Variants in SNX8 observed in about 807,000 individuals in gnomAD.
SNX8 encodes sorting nexin 8, also known as sorting nexin-8.
A neutral mutation model predicts 51.6 loss-of-function variants in SNX8; 25 were observed. That is an observed-to-expected ratio of 0.48 (90% CI 0.35 to 0.68). The LOEUF (loss-of-function observed/expected upper bound fraction) is 0.68, where lower values mean the gene tolerates loss of function less well. Ranked by LOEUF, SNX8 falls within the 30% of genes least tolerant of loss-of-function variation. The pLI is 0.00. For missense variants in SNX8, 695 were observed against 624.0 expected (o/e 1.11, Z -1.21); for synonymous variants, 324 against 277.0 (o/e 1.17, Z -1.68).
intron 7 of SNX8, among the ~76,000 whole-genome samples, chr7:2,261,893 C>T (rs1795345602): frequency 6.6e-6 from 1 of 152,238 alleles, no homozygotes; most frequent in African/African-American, 2.4e-5. Flanking sequence ...ATTCACCAAG[C>T]CACTCAGGAG....
chr7:2,330,206 C>T (rs1462688892), intron 1 of SNX8, among the ~76,000 whole-genome samples: 57 of 147,766 alleles, frequency 3.9e-4, no homozygotes, highest in Middle Eastern at 6.9e-3. Context: ...GGCGGCATCT[C>T]GGCTCACCAC....
intron 1 of SNX8, among the ~76,000 whole-genome samples, chr7:2,285,357 C>T (rs886998209): frequency 1.3e-5 from 2 of 152,180 alleles, no homozygotes; most frequent in African/African-American, 4.8e-5. Context: ...CCACTGCATT[C>T]CAGCCTGGGC....
At chr7:2,327,066 C>T (rs957754688) in intron 1 of SNX8, among the ~76,000 whole-genome samples, 3 of 152,074 alleles carry the variant, frequency 2.0e-5, no homozygotes, top group African/African-American at 4.8e-5. Context: ...GGCAGGGCCA[C>T]GCTGTCTCTG....
intron 1 of SNX8, among the ~76,000 whole-genome samples, chr7:2,319,697 C>A (rs1292862719): frequency 6.6e-6 from 1 of 152,152 alleles, no homozygotes; most frequent in Non-Finnish European, 1.5e-5. Flanking sequence ...CGCCTGTAGT[C>A]CCAGCTCCTC....
intron 1 of SNX8, among the ~76,000 whole-genome samples, chr7:2,345,592 C>G (rs935711780): frequency 2.0e-5 from 3 of 151,436 alleles, no homozygotes; most frequent in African/African-American, 7.3e-5. Flanking sequence ...GCAGGAGAAT[C>G]ACTTGAACCC....
At chr7:2,275,485 A>C (rs1440035120) in intron 2 of SNX8, among the ~76,000 whole-genome samples, 1 of 150,324 alleles carries the variant, frequency 6.7e-6, no homozygotes, top group Non-Finnish European at 1.5e-5. Flanking sequence ...GAATCACCTG[A>C]GGTCAGGAGT....
At chr7:2,279,828 C>G (rs142796721) in intron 1 of SNX8, among the ~76,000 whole-genome samples, 1 of 151,922 alleles carries the variant, frequency 6.6e-6, no homozygotes, top group African/African-American at 2.4e-5. Flanking sequence ...CAAGTACACC[C>G]ACATTTCTGT....
chr7:2,257,899 C>T, intron 7 of SNX8, 96 bp from the exon 8 acceptor site: 1 of 1,221,186 alleles, frequency 8.2e-7, no homozygotes, highest in East Asian at 2.3e-5. Flanking sequence ...CCGGTTCCTT[C>T]CTCCCAGAGT....
intron 1 of SNX8, among the ~76,000 whole-genome samples, chr7:2,298,679 GTTTTGTTTTTGTTTTTTGTT>G (rs1796326331): frequency 6.8e-6 from 1 of 147,532 alleles, no homozygotes; most frequent in Non-Finnish European, 1.5e-5. Context: ...CTGGGTTTTG[GTTTTGTTTTTGTTTTTTGTT>G]TTTTGTTTTT....
Position 2,284,304 on chromosome 7 carries a change from G to A in SNX8, c.95-5999C>T, listed in dbSNP as rs561840436. 1.2e-4 allele frequency among the ~76,000 whole-genome samples: 18 copies of A among 152,090 alleles called. No homozygotes were observed. The East Asian group carries it at 3.5e-3, about 29-fold the overall frequency. On this transcript the variant is annotated intron_variant, in intron 1 of 10. Transcript: ENST00000222990. ...CCACAGTTTGAAAGCCCTTGTCATAGGGCAACAGAGAGAAGGAATTCGATC... is the reference window on the plus strand; with the variant it reads ...CCACAGTTTGAAAGCCCTTGTCATAAGGCAACAGAGAGAAGGAATTCGATC...
At chr7:2,311,713 A>G (rs1796660729) in intron 1 of SNX8, among the ~76,000 whole-genome samples, 1 of 152,012 alleles carries the variant, frequency 6.6e-6, no homozygotes, top group African/African-American at 2.4e-5. Flanking sequence ...CGAGGCGGCT[A>G]GATCACGAGG....
rs1346214007 is a variant in SNX8, at chr7:2,333,731, A to C, written c.-66+20491T>G. 3.3e-5 allele frequency among the ~76,000 whole-genome samples: 5 copies of C among 152,230 alleles called. No homozygotes were observed. The East Asian group carries it at 9.6e-4, about 29-fold the overall frequency. On this transcript the variant is annotated intron_variant, in intron 1 of 5. Coordinates refer to the SNX8 transcript ENST00000435336. ...AGGTAATTTAATTGTGTAAAGGATT[A>C]ATTCAATTAACCTCATTGAATGAAT...
intron 1 of SNX8, among the ~76,000 whole-genome samples, chr7:2,293,943 G>A (rs567928283): frequency 2.2e-3 from 325 of 150,316 alleles, no homozygotes; most frequent in Admixed American, 4.4e-3. Context: ...TCCAGCCTGG[G>A]CAACAAGAGT....
At chr7:2,276,370 G>A (rs768100374) in intron 2 of SNX8, among the ~76,000 whole-genome samples, 17 of 152,324 alleles carry the variant, frequency 1.1e-4, no homozygotes, top group Admixed American at 2.0e-4. Context: ...GCTCTGACAC[G>A]GTCCTCCAAG....
At chr7:2,277,973 G>C (rs1584692309) in intron 2 of SNX8, 127 bp downstream of exon 2, 1 of 1,422,458 alleles carries the variant, frequency 7.0e-7, no homozygotes, top group East Asian at 2.5e-5. Flanking sequence ...TCTGGATCTT[G>C]CCTGTAAGCC....
intron 1 of SNX8, among the ~76,000 whole-genome samples, chr7:2,306,069 G>T (rs555066298): frequency 7.2e-5 from 11 of 152,274 alleles, no homozygotes; most frequent in African/African-American, 2.6e-4. Context: ...CCCTTATCAG[G>T]CTCTGTAGGG....
At chr7:2,272,015 GC>G (rs775769020) in intron 3 of SNX8, 44 bp from the exon 4 acceptor site, 65 of 1,608,346 alleles carry the variant, frequency 4.0e-5, no homozygotes, top group Non-Finnish European at 5.3e-5. Context: ...CAGGGCGCCG[GC>G]CCCCATCTTC....
intron 1 of SNX8, among the ~76,000 whole-genome samples, chr7:2,339,206 A>G (rs1484023543): frequency 6.6e-6 from 1 of 151,052 alleles, no homozygotes; most frequent in African/African-American, 2.4e-5. Flanking sequence ...GCCCAGCCTT[A>G]TTTATTTTTT....
chr7:2,273,264 G>A (rs1281959398), intron 3 of SNX8, among the ~76,000 whole-genome samples: 1 of 151,936 alleles, frequency 6.6e-6, no homozygotes, highest in Non-Finnish European at 1.5e-5. Flanking sequence ...AGCCTGGCCA[G>A]CGTAGCGAAA....
Sources: allele counts gnomAD v4.1 joint callset (sites outside exome capture counted in the v4.1 genomes callset), GRCh38; gene constraint gnomAD v4.1.1; transcripts MANE v1.5; gene names NCBI Gene and HGNC (gene_info 2026-07-23, HGNC 2026-07-21).